MLLT11: variants seen among roughly 807,000 people sequenced by gnomAD.
MLLT11 encodes MLLT11 transcription factor 7 cofactor.
In MLLT11, 1 loss-of-function variant was observed where a neutral mutation model predicts 5.3. The ratio of observed to expected loss-of-function variants is 0.19; its 90% CI spans 0.07 to 0.89. The LOEUF is 0.89. MLLT11 is among the 40% of genes least tolerant of loss of function. The pLI is 0.67. For synonymous variants in MLLT11, 38 were observed against 41.7 expected, an observed-to-expected ratio of 0.91 and a Z score of 0.34; for missense variants, 87 against 107.3, an observed-to-expected ratio of 0.81 and a Z score of 0.83.
Position 151,067,615 on chromosome 1 carries a change from T to G in MLLT11, c.*118T>G. On this transcript the variant is annotated 3_prime_UTR_variant, in exon 2 of 2. Coordinates refer to ENST00000368921, the MANE Select transcript of MLLT11 (RefSeq NM_006818.4). ...CTCCCTACTGTGTTGGTGGTGCTGATGAATCTGCCAGAGTTGAGTTCTATG... is the reference window on the plus strand; with the variant it reads ...CTCCCTACTGTGTTGGTGGTGCTGAGGAATCTGCCAGAGTTGAGTTCTATG... 1 of 1,147,940 alleles carries G rather than the reference T, an allele frequency of 8.7e-7. No homozygotes were observed. Among genetic ancestry groups the G allele is most frequent in the Non-Finnish European group, 1.3e-6 (1 of 797,064 alleles). 71.1% of individuals were successfully genotyped at this position (1,147,940 alleles called of 1,614,324 possible).
Position 151,068,461 on chromosome 1 carries a change from T to G in MLLT11, c.*964T>G. The stretch of plus-strand genomic sequence containing the variant: ...TATTGATGGTGATTTGTGCTACCAT[T>G]TACTCGTTTATTTAATAAAGACATT... On this transcript the variant is annotated 3_prime_UTR_variant, in exon 2 of 2. Coordinates refer to ENST00000368921, the MANE Select transcript of MLLT11 (RefSeq NM_006818.4). 1 of 220,924 alleles carries G rather than the reference T, an allele frequency of 4.5e-6. No individual in the cohort carries two copies. Among genetic ancestry groups the G allele is most frequent in the East Asian group, 7.4e-5 (1 of 13,490 alleles). The allele number at this position is 220,924 out of a possible 1,614,324, so 13.7% of individuals were successfully genotyped here. A position where few individuals can be genotyped will look rare whatever the true frequency, so the allele number is the denominator to read the frequency against.
Position 151,069,429 on chromosome 1 carries a change from T to G in MLLT11, c.*1932T>G, listed in dbSNP as rs1001236637. ...GAATGGGGCCAGGAAGGATAAGTAG[T>G]GCGTCCTTTTCTATTTTTACTGAGT... On this transcript the variant is annotated 3_prime_UTR_variant, in exon 2 of 2. Transcript: ENST00000368921. Among the ~76,000 whole-genome samples, 6 of 152,202 alleles carry G rather than the reference T, an allele frequency of 3.9e-5. No individual in the cohort carries two copies. Among genetic ancestry groups the G allele is most frequent in the Non-Finnish European group, 7.3e-5 (5 of 68,030 alleles).
intron 1 of MLLT11, among the ~76,000 whole-genome samples, chr1:151,064,052 G>T (rs867404216): frequency 2.0e-5 from 3 of 151,308 alleles, no homozygotes; most frequent in African/African-American, 4.9e-5. Flanking sequence ...ATGGAGTTTC[G>T]CTCTTGTTGC....
chr1:151,067,253 G>C lies in MLLT11; in HGVS notation c.29G>C (p.Ser10Thr). 1 of 1,614,168 alleles carries C rather than the reference G, an allele frequency of 6.2e-7. No individual in the cohort carries two copies. The highest frequency in any genetic ancestry group is 8.5e-7 in the Non-Finnish European group (1 of 1,180,032). MRDPVSSQY[S>T]SFLFWRMPIP... is the part of the protein sequence containing the mutation. ...AGGGACCCTGTGAGTAGCCAGTACAGTTCCTTTCTTTTCTGGAGGATGCCC... is the reference window on the plus strand; with the variant it reads ...AGGGACCCTGTGAGTAGCCAGTACACTTCCTTTCTTTTCTGGAGGATGCCC... The change falls in exon 2 of 2, where the codon AGT becomes ACT. Residue 10 changes from serine to threonine, a missense_variant. Transcript: ENST00000368921.
Position 151,064,116 on chromosome 1 carries a change from G to A in MLLT11, c.-6-3103G>A, listed in dbSNP as rs182582911. Among the ~76,000 whole-genome samples, 43 of 152,028 alleles carry A rather than the reference G, an allele frequency of 2.8e-4. No homozygotes were observed. In the East Asian group the frequency reaches 8.4e-3, roughly 30 times the overall value. The stretch of plus-strand genomic sequence containing the variant: ...GGCTCACTGCAACCTCCACCTCCCA[G>A]GTTCAAGCAATTTTCCTGCCTCAGC... On this transcript the variant is annotated intron_variant, in intron 1 of 1. Coordinates refer to ENST00000368921, the MANE Select transcript of MLLT11 (RefSeq NM_006818.4).
intron 1 of MLLT11, among the ~76,000 whole-genome samples, chr1:151,063,102 A>G (rs972027964): frequency 6.6e-6 from 1 of 152,178 alleles, no homozygotes; most frequent in African/African-American, 2.4e-5. Flanking sequence ...AAGAAAAAGA[A>G]CAACTCAGAA....
intron 1 of MLLT11, among the ~76,000 whole-genome samples, chr1:151,061,661 G>C (rs1676409810): frequency 6.6e-6 from 1 of 152,074 alleles, no homozygotes; most frequent in African/African-American, 2.4e-5. Context: ...GAGGGGAAGG[G>C]GAAGCTAGCC....
chr1:151,063,758 T>C (rs1439515911), intron 1 of MLLT11, among the ~76,000 whole-genome samples: 1 of 152,110 alleles, frequency 6.6e-6, no homozygotes. Context: ...GGCTAGTAAG[T>C]AGCAGGGTGG....
chr1:151,067,731 G>T lies in MLLT11; in HGVS notation c.*234G>T. ...CAAGCAATGGAGTACTGGGTCACAGGGATTCCTCCTTTCCCCCCCAAATAT... is the reference window on the plus strand; with the variant it reads ...CAAGCAATGGAGTACTGGGTCACAGTGATTCCTCCTTTCCCCCCCAAATAT... On this transcript the variant is annotated 3_prime_UTR_variant, in exon 2 of 2. Transcript: ENST00000368921. 1.8e-6 allele frequency: 1 copy of T among 560,388 alleles called. No homozygotes were observed. Among genetic ancestry groups the T allele is most frequent in the Non-Finnish European group, 3.2e-6 (1 of 309,048 alleles). 34.7% of individuals were successfully genotyped at this position (560,388 alleles called of 1,614,324 possible). A position where few individuals can be genotyped will look rare whatever the true frequency, so the allele number is the denominator to read the frequency against.
rs977218763 is a variant in MLLT11 at position 151,068,158 on chromosome 1, C to G, written c.*661C>G. The G allele has an allele frequency of 4.2e-6, 1 of 239,878 alleles. No homozygotes were observed. The highest frequency in any genetic ancestry group is 8.8e-6 in the Non-Finnish European group (1 of 113,236). The allele number at this position is 239,878 out of a possible 1,614,324, so 14.9% of individuals were successfully genotyped here. A position where few individuals can be genotyped will look rare whatever the true frequency, so the allele number is the denominator to read the frequency against. On this transcript the variant is annotated 3_prime_UTR_variant, in exon 2 of 2. Transcript: ENST00000368921. ...AATTTCTTTTCTCAAAAGAGTGTCCCTTCTTCACACCTACTCACTTTACAA... is the reference window on the plus strand; with the variant it reads ...AATTTCTTTTCTCAAAAGAGTGTCCGTTCTTCACACCTACTCACTTTACAA...
At chr1:151,064,325 G>C (rs987458476) in intron 1 of MLLT11, among the ~76,000 whole-genome samples, 2 of 152,192 alleles carry the variant, frequency 1.3e-5, no homozygotes, top group Non-Finnish European at 2.9e-5. Flanking sequence ...GGCTAGGAAA[G>C]TTCTTTTAGC....
At chr1:151,067,174 A>G in intron 1 of MLLT11, 45 bp from the exon 2 acceptor site, 1 of 1,569,050 alleles carries the variant, frequency 6.4e-7, no homozygotes, top group Non-Finnish European at 8.7e-7. Flanking sequence ...ATGGGCCACA[A>G]AGAAGTTGCT....
At chr1:151,062,260 G>C (rs1676416824) in intron 1 of MLLT11, among the ~76,000 whole-genome samples, 2 of 152,084 alleles carry the variant, frequency 1.3e-5, no homozygotes, top group Admixed American at 1.3e-4. Flanking sequence ...TGGGAATTAT[G>C]AGATCTGGAT....
At chr1:151,067,183 C>T in intron 1 of MLLT11, 36 bp from the exon 2 acceptor site, 1 of 1,588,774 alleles carries the variant, frequency 6.3e-7, no homozygotes, top group Non-Finnish European at 8.6e-7. Context: ...AAAGAAGTTG[C>T]TGTAGCATGA....
At position 151,068,446 on chromosome 1, in the gene MLLT11, G is replaced by A. The variant is rs902571879; in HGVS notation, c.*949G>A. On this transcript the variant is annotated 3_prime_UTR_variant, in exon 2 of 2. Coordinates refer to ENST00000368921, the MANE Select transcript of MLLT11 (RefSeq NM_006818.4). ...CAATCCTTCCAAAAATATTGATGGT[G>A]ATTTGTGCTACCATTTACTCGTTTA... The A allele has an allele frequency of 1.0e-4, 23 of 223,974 alleles. No homozygotes were observed. Among genetic ancestry groups the A allele is most frequent in the Non-Finnish European group, 2.2e-4 (23 of 102,948 alleles). The allele number at this position is 223,974 out of a possible 1,614,324, so 13.9% of individuals were successfully genotyped here.
At chr1:151,065,430 G>T (rs1210458709) in intron 1 of MLLT11, among the ~76,000 whole-genome samples, 11 of 152,170 alleles carry the variant, frequency 7.2e-5, no homozygotes, top group Non-Finnish European at 1.5e-4. Flanking sequence ...TTGTCAAAGA[G>T]CTTTTTGTTT....
At chr1:151,061,978 T>C (rs193288818) in intron 1 of MLLT11, among the ~76,000 whole-genome samples, 1 of 152,264 alleles carries the variant, frequency 6.6e-6, no homozygotes, top group Admixed American at 6.5e-5. Context: ...TACCAAACAC[T>C]CAGGGACTGT....
intron 1 of MLLT11, among the ~76,000 whole-genome samples, chr1:151,063,070 G>A (rs1240199639): frequency 6.6e-6 from 1 of 151,950 alleles, no homozygotes; most frequent in African/African-American, 2.4e-5. Context: ...CAGTTCCCAG[G>A]GTTTATTTTG....
intron 1 of MLLT11, among the ~76,000 whole-genome samples, chr1:151,064,254 C>A (rs587680279): frequency 6.6e-5 from 10 of 152,226 alleles, no homozygotes; most frequent in African/African-American, 1.9e-4. Flanking sequence ...CTCCTCACCT[C>A]CTGATCTGCC....
Sources: allele counts gnomAD v4.1 joint callset (sites outside exome capture counted in the v4.1 genomes callset), GRCh38; gene constraint gnomAD v4.1.1; transcripts MANE v1.5; gene names NCBI Gene and HGNC (gene_info 2026-07-23, HGNC 2026-07-21).